Variants in FBN2 observed in about 807,000 individuals in gnomAD.
FBN2 encodes fibrillin-2.
A neutral mutation model predicts 355.6 loss-of-function variants in FBN2; 105 were observed. The ratio of observed to expected loss-of-function variants is 0.30; its 90% confidence interval spans 0.25 to 0.35. The LOEUF is 0.35. FBN2 is among the 10% of genes least tolerant of loss of function. FBN2 has a pLI of 1.00. For synonymous variants in FBN2, 1,350 were observed against 1,301.2 expected, an observed-to-expected ratio of 1.04 and a Z score of -0.81; for missense variants, 3,280 against 3,758.7, an observed-to-expected ratio of 0.87 and a Z score of 3.33.
intron 57 of FBN2, 142 bp from the exon 58 acceptor site, chr5:128,278,147 AT>A: frequency 1.2e-6 from 1 of 816,228 alleles, no homozygotes; most frequent in Non-Finnish European, 2.1e-6. Flanking sequence ...CCTGTTCATC[AT>A]TCAGGTGAAC....
At chr5:128,305,198 A>C in intron 44 of FBN2, 116 bp from the exon 45 acceptor site, 1 of 945,250 alleles carries the variant, frequency 1.1e-6, no homozygotes, top group Non-Finnish European at 1.7e-6. Flanking sequence ...CTGAAAATGA[A>C]CCATAACAAC....
chr5:128,323,032 A>G (rs1013975311), intron 34 of FBN2, among the ~76,000 whole-genome samples: 2 of 152,132 alleles, frequency 1.3e-5, no homozygotes, highest in Non-Finnish European at 2.9e-5. Flanking sequence ...TCTTTGTAGC[A>G]ATTGTGAATG....
chr5:128,522,317 G>A (rs1039025978), intron 4 of FBN2, among the ~76,000 whole-genome samples: 12 of 152,068 alleles, frequency 7.9e-5, no homozygotes, highest in Non-Finnish European at 1.6e-4. Flanking sequence ...AAATTTCACG[G>A]CATTTTTTCA....
In FBN2 at chr5:128,263,629, G is replaced by A; in HGVS notation, c.7988C>T (p.Ala2663Val). ...VDENECSNPNACGSASCYNTL... is the reference protein window; with the variant it reads ...VDENECSNPNVCGSASCYNTL... ...GTTGTAGCAGGAAGCAGAGCCACAG[G>A]CATTGGGATTGGAGCATTCATTCTC... is the stretch of plus-strand genomic sequence containing the variant. The change falls in exon 63 of 65, where the codon GCC becomes GTC. Residue 2663 changes from alanine to valine, a missense_variant. Around this residue, in one of 6 missense-constraint regions of FBN2, gnomAD observed 311 missense variants for 319.1 expected, o/e 0.97. Coordinates refer to ENST00000262464, the MANE Select transcript of FBN2 (RefSeq NM_001999.4). 6.2e-7 allele frequency: 1 copy of A among 1,614,026 alleles called. No individual in the cohort carries two copies. Among genetic ancestry groups the A allele is most frequent in the Non-Finnish European group, 8.5e-7 (1 of 1,179,914 alleles).
chr5:128,260,100 G>C lies in FBN2; in HGVS notation c.8365-271C>G, dbSNP rs149895793. Among the ~76,000 whole-genome samples, 305 of 152,162 alleles carry C rather than the reference G, an allele frequency of 2.0e-3. 2 individuals are homozygous for C. Among genetic ancestry groups the C allele is most frequent in the African/African-American group, 7.2e-3 (299 of 41,514 alleles). ...AAGGTAATTAAAGGTACAGGACTGGGCTTACAGAGTGTTCCCATTTCAAGT... is the reference window on the plus strand; with the variant it reads ...AAGGTAATTAAAGGTACAGGACTGGCCTTACAGAGTGTTCCCATTTCAAGT... On this transcript the variant is annotated intron_variant, in intron 64 of 64. Transcript: ENST00000262464.
chr5:128,456,325 T>A (rs2127072292), intron 6 of FBN2, among the ~76,000 whole-genome samples: 1 of 152,112 alleles, frequency 6.6e-6, no homozygotes, highest in African/African-American at 2.4e-5. Context: ...GGGGGAGGGG[T>A]GGCTGCAGTC....
intron 5 of FBN2, among the ~76,000 whole-genome samples, chr5:128,470,984 T>A (rs994301212): frequency 6.6e-6 from 1 of 152,210 alleles, no homozygotes; most frequent in Admixed American, 6.5e-5. Flanking sequence ...ATCACTTTGG[T>A]ACAGAAAAGA....
chr5:128,290,396 G>T (rs1156751127), intron 50 of FBN2, among the ~76,000 whole-genome samples: 1 of 152,164 alleles, frequency 6.6e-6, no homozygotes. Context: ...GTGATACAAT[G>T]CCCACATGGG....
At chr5:128,466,470 AC>A (rs1754713403) in intron 5 of FBN2, among the ~76,000 whole-genome samples, 1 of 152,178 alleles carries the variant, frequency 6.6e-6, no homozygotes, top group African/African-American at 2.4e-5. Flanking sequence ...GGAAAATCAA[AC>A]TTGGATATAA....
chr5:128,449,101 A>C (rs1445342743), intron 6 of FBN2, among the ~76,000 whole-genome samples: 3 of 151,608 alleles, frequency 2.0e-5, no homozygotes, highest in Non-Finnish European at 4.4e-5. Flanking sequence ...ATAGAGATAA[A>C]ATATATTTTC....
intron 5 of FBN2, among the ~76,000 whole-genome samples, chr5:128,505,313 A>G (rs1349686041): frequency 1.3e-5 from 2 of 152,176 alleles, no homozygotes; most frequent in Non-Finnish European, 2.9e-5. Context: ...CCCAAAAAAG[A>G]TGTGCACAAT....
At chr5:128,417,901 G>T (rs1753245137) in intron 7 of FBN2, among the ~76,000 whole-genome samples, 1 of 152,114 alleles carries the variant, frequency 6.6e-6, no homozygotes, top group Non-Finnish European at 1.5e-5. Flanking sequence ...AGGAGAATTG[G>T]AGTTAGTTCT....
intron 5 of FBN2, among the ~76,000 whole-genome samples, chr5:128,506,680 G>A (rs1755970772): frequency 1.3e-5 from 2 of 152,104 alleles, no homozygotes; most frequent in African/African-American, 4.8e-5. Flanking sequence ...GGACCAAACA[G>A]TGCAATGTTC....
intron 7 of FBN2, among the ~76,000 whole-genome samples, chr5:128,411,405 G>A (rs1344487807): frequency 6.6e-6 from 1 of 152,172 alleles, no homozygotes; most frequent in Non-Finnish European, 1.5e-5. Context: ...TTTATTGAGC[G>A]ATGGAAGTGG....
intron 5 of FBN2, among the ~76,000 whole-genome samples, chr5:128,485,439 T>C (rs564382938): frequency 6.6e-6 from 1 of 152,192 alleles, no homozygotes; most frequent in Non-Finnish European, 1.5e-5. Context: ...TGTACATTTA[T>C]GCAATAGAAT....
At chr5:128,314,670 C>T (rs1383788569) in intron 36 of FBN2, among the ~76,000 whole-genome samples, 1 of 152,104 alleles carries the variant, frequency 6.6e-6, no homozygotes, top group Non-Finnish European at 1.5e-5. Context: ...TCTCTTCCCC[C>T]TCCCTTTCTC....
intron 7 of FBN2, among the ~76,000 whole-genome samples, chr5:128,431,644 T>C (rs1194837343): frequency 6.6e-6 from 1 of 152,190 alleles, no homozygotes; most frequent in East Asian, 1.9e-4. Flanking sequence ...TCTTTTCATT[T>C]AAAAGGGGGC....
intron 46 of FBN2, among the ~76,000 whole-genome samples, chr5:128,302,328 C>T (rs1032270220): frequency 4.6e-5 from 7 of 152,168 alleles, no homozygotes; most frequent in Non-Finnish European, 7.3e-5. Flanking sequence ...AAGGAATAAA[C>T]GTTTGCTGTC....
intron 11 of FBN2, among the ~76,000 whole-genome samples, chr5:128,388,639 C>A (rs1752428887): frequency 6.6e-6 from 1 of 152,114 alleles, no homozygotes; most frequent in South Asian, 2.1e-4. Flanking sequence ...GATTTCTTTT[C>A]TTTAAGAATG....
Sources: gnomAD v4.1 joint callset for allele counts (sites outside exome capture counted in the v4.1 genomes callset) on GRCh38, gnomAD v4.1.1 for gene constraint, gnomAD v4.1.1 regional missense constraint, MANE v1.5 for transcripts, NCBI Gene and HGNC (gene_info 2026-07-23, HGNC 2026-07-21) for gene names.